MBD5: variants seen among roughly 807,000 people sequenced by gnomAD.
MBD5 encodes methyl-CpG-binding domain protein 5.
Under a neutral mutation model 117.3 loss-of-function variants are expected in MBD5, and 13 were observed. The ratio of observed to expected loss-of-function variants is 0.11; its 90% CI spans 0.07 to 0.18. The LOEUF is 0.18. Ranked by LOEUF, MBD5 falls within the 10% of genes least tolerant of loss-of-function variation. The pLI is 1.00. For missense variants in MBD5, 1,879 were observed against 2,093.8 expected (o/e 0.90, Z 2.00); for synonymous variants, 727 against 766.4 (o/e 0.95, Z 0.85).
At chr2:148,138,811 A>G (rs1439746054) in intron 1 of MBD5, among the ~76,000 whole-genome samples, 1 of 152,152 alleles carries the variant, frequency 6.6e-6, no homozygotes, top group East Asian at 1.9e-4. Context: ...CACAAGATAA[A>G]TCCTTTTAGA....
chr2:148,401,218 C>T (rs1704910092), intron 4 of MBD5, among the ~76,000 whole-genome samples: 2 of 152,126 alleles, frequency 1.3e-5, no homozygotes, highest in African/African-American at 2.4e-5. Flanking sequence ...GCCAAGCTTG[C>T]TTTCACTGCC....
Position 148,482,642 on chromosome 2 carries a change from G to T in MBD5, c.2519-468G>T, listed in dbSNP as rs1681195177. Among the ~76,000 whole-genome samples the T allele has an allele frequency of 2.0e-5, 3 of 151,774 alleles. No homozygotes were observed. The South Asian group carries it at 6.3e-4, about 32-fold the overall frequency. ...TTTTTATGTGCATTCTACTTTTGTG[G>T]GTTTCTTTTCACTAAAAGGAAGTAG... On this transcript the variant is annotated intron_variant, in intron 8 of 13. Coordinates refer to ENST00000642680, the MANE Select transcript of MBD5 (RefSeq NM_001378120.1).
chr2:148,418,265 T>A (rs1359058952), intron 4 of MBD5, among the ~76,000 whole-genome samples: 1 of 152,236 alleles, frequency 6.6e-6, no homozygotes, highest in Non-Finnish European at 1.5e-5. Flanking sequence ...TGATGATTAT[T>A]TCTTTTGCTG....
At chr2:148,068,211 A>G (rs13013887) in intron 1 of MBD5, among the ~76,000 whole-genome samples, 46,869 of 151,988 alleles carry the variant, frequency 0.31, 8,362 homozygotes, top group East Asian at 0.46. Context: ...GGCCAGGAAA[A>G]AAAAGCTCCT....
chr2:148,230,149 C>A (rs1699947299), intron 2 of MBD5, among the ~76,000 whole-genome samples: 1 of 152,150 alleles, frequency 6.6e-6, no homozygotes, highest in Non-Finnish European at 1.5e-5. Flanking sequence ...GCGGGTTCCC[C>A]AAGTCCCTGG....
intron 1 of MBD5, among the ~76,000 whole-genome samples, chr2:148,107,657 C>T (rs1574021635): frequency 6.6e-6 from 1 of 151,886 alleles, no homozygotes; most frequent in East Asian, 1.9e-4. Flanking sequence ...TCATGCTTTG[C>T]ATTTTTAGAA....
At chr2:148,394,656 G>C (rs1704658203) in intron 4 of MBD5, among the ~76,000 whole-genome samples, 2 of 147,434 alleles carry the variant, frequency 1.4e-5, no homozygotes, top group South Asian at 4.4e-4. Flanking sequence ...ATATTTTCAA[G>C]TAATCAGCTT....
intron 3 of MBD5, among the ~76,000 whole-genome samples, chr2:148,241,074 G>A (rs1403382220): frequency 6.6e-6 from 1 of 151,774 alleles, no homozygotes; most frequent in East Asian, 1.9e-4. Context: ...TGCTCTTTCT[G>A]TGGACTTTGG....
intron 8 of MBD5, 31 bp downstream of exon 8, chr2:148,470,492 G>A: frequency 5.9e-6 from 9 of 1,530,464 alleles, no homozygotes; most frequent in South Asian, 1.3e-5. Context: ...AGTACCCAAA[G>A]GTACTAAACT....
Position 148,512,906 on chromosome 2 carries a change from C to A in MBD5, c.5149C>A (p.Pro1717Thr), listed in dbSNP as rs758847157. The A allele has an allele frequency of 3.1e-6, 5 of 1,613,576 alleles. No individual in the cohort carries two copies. Among genetic ancestry groups the A allele is most frequent in the Non-Finnish European group, 4.2e-6 (5 of 1,179,750 alleles). The change falls in exon 14 of 14, where the codon CCC becomes ACC. Residue 1717 changes from proline to threonine, a missense_variant. Pro to Thr is a conservative substitution (Grantham distance 38). Coordinates refer to ENST00000642680, the MANE Select transcript of MBD5 (RefSeq NM_001378120.1). ...CCCACAGGGTGACAGACAAATGAGA[C>A]CCCCCAAACCCAAGAGGAGGAAGAT... Reference protein sequence around the residue: ...QIPQGDRQMRPPKPKRRKISR With the variant: ...QIPQGDRQMRTPKPKRRKISR
At chr2:148,378,235 C>T (rs1438185431) in intron 4 of MBD5, among the ~76,000 whole-genome samples, 1 of 151,828 alleles carries the variant, frequency 6.6e-6, no homozygotes, top group African/African-American at 2.4e-5. Context: ...TTAACTATTC[C>T]AAGCAAAGAT....
chr2:148,029,248 AAT>A (rs534633578), intron 1 of MBD5, among the ~76,000 whole-genome samples: 6 of 152,036 alleles, frequency 3.9e-5, no homozygotes, highest in Middle Eastern at 3.4e-3. Context: ...TACTAGAAGT[AAT>A]ATAGTCTTTT....
intron 2 of MBD5, among the ~76,000 whole-genome samples, chr2:148,184,904 C>T (rs1698615965): frequency 6.6e-6 from 1 of 152,194 alleles, no homozygotes; most frequent in African/African-American, 2.4e-5. Flanking sequence ...CATCTCTCCG[C>T]TTCTCCCTGA....
At chr2:148,026,931 CAAATAAAA>C (rs1172475361) in intron 1 of MBD5, 5 of 131,602 alleles carry the variant, frequency 3.8e-5, no homozygotes, top group African/African-American at 1.1e-4. Flanking sequence ...AATAAATAAA[CAAATAAAA>C]AAACAGTAAA....
intron 1 of MBD5, among the ~76,000 whole-genome samples, chr2:148,086,096 C>T (rs1402572835): frequency 6.6e-6 from 1 of 151,942 alleles, no homozygotes; most frequent in African/African-American, 2.4e-5. Flanking sequence ...TCAGTCACTT[C>T]TGGGCTATTG....
At chr2:148,472,628 A>C (rs755720223) in intron 8 of MBD5, among the ~76,000 whole-genome samples, 9 of 152,138 alleles carry the variant, frequency 5.9e-5, no homozygotes, top group Non-Finnish European at 1.2e-4. Context: ...ATATCTGTTT[A>C]CACTGACATT....
At chr2:148,490,712 T>C in intron 11 of MBD5, 118 bp downstream of exon 11, 5 of 1,288,706 alleles carry the variant, frequency 3.9e-6, no homozygotes, top group Non-Finnish European at 4.4e-6. Context: ...CATGACTCAT[T>C]GAGGTCTCAC....
At chr2:148,234,738 C>T (rs909424486) in intron 3 of MBD5, among the ~76,000 whole-genome samples, 1 of 152,110 alleles carries the variant, frequency 6.6e-6, no homozygotes, top group Admixed American at 6.6e-5. Flanking sequence ...TTCAGCAAGC[C>T]AATTTAGTAT....
At chr2:148,035,635 G>A (rs1010635358) in intron 1 of MBD5, among the ~76,000 whole-genome samples, 1 of 152,146 alleles carries the variant, frequency 6.6e-6, no homozygotes, top group African/African-American at 2.4e-5. Context: ...GAACAAATAT[G>A]TAAATATATT....
Sources: gnomAD v4.1 joint callset for allele counts (sites outside exome capture counted in the v4.1 genomes callset) on GRCh38, gnomAD v4.1.1 for gene constraint, MANE v1.5 for transcripts, NCBI Gene and HGNC (gene_info 2026-07-23, HGNC 2026-07-21) for gene names.